Variants in TRIOBP observed in about 807,000 individuals in gnomAD.
TRIOBP encodes TRIO and F-actin binding protein.
A neutral mutation model predicts 238.8 loss-of-function variants in TRIOBP; 169 were observed. That is an observed-to-expected ratio of 0.71 (90% confidence interval 0.62 to 0.80). TRIOBP has a LOEUF of 0.80. Ranked by LOEUF, TRIOBP falls within the 30% of genes least tolerant of loss-of-function variation. The pLI, the probability that TRIOBP is intolerant of heterozygous loss-of-function variation, is 0.00. For missense variants in TRIOBP, 2,838 were observed against 3,122.6 expected (o/e 0.91, Z 2.17); for synonymous variants, 1,150 against 1,274.4 (o/e 0.90, Z 2.08).
chr22:37,715,858 T>A lies in TRIOBP; in HGVS notation c.552T>A (p.Ala184=). 1 of 1,613,982 alleles carries A rather than the reference T, an allele frequency of 6.2e-7. No individual in the cohort carries two copies. The highest frequency in any genetic ancestry group is 8.5e-7 in the Non-Finnish European group (1 of 1,179,972). ...IPRRPREGPR[A]DSSQRAPSLL... ...GGAGGCCTCGGGAGGGGCCGAGAGCTGACAGCTCCCAAAGGGCTCCGTCTC... is the reference window on the plus strand; with the variant it reads ...GGAGGCCTCGGGAGGGGCCGAGAGCAGACAGCTCCCAAAGGGCTCCGTCTC... The change falls in exon 6 of 24, where the codon GCT becomes GCA. Residue 184 remains alanine, a synonymous_variant. Transcript: ENST00000644935.
intron 6 of TRIOBP, among the ~76,000 whole-genome samples, chr22:37,716,725 G>T (rs1220335907): frequency 6.6e-6 from 1 of 152,228 alleles, no homozygotes; most frequent in Admixed American, 6.5e-5. Flanking sequence ...TCTCTAAATA[G>T]TAGGGAGCCA....
At position 37,726,195 on chromosome 22, in the gene TRIOBP, C is replaced by T; in HGVS notation, c.3639C>T (p.Ile1213=). 2 of 1,563,864 alleles carry T rather than the reference C, an allele frequency of 1.3e-6. No homozygotes were observed. The highest frequency in any genetic ancestry group is 1.7e-6 in the Non-Finnish European group (2 of 1,155,944). Residue 1213 remains isoleucine (I), a synonymous_variant, in exon 7 of 24, where the codon ATC becomes ATT. Transcript: ENST00000644935. The part of the protein sequence containing the change: ...TDSLHGSPVL[I]PQVCIGHRDA... ...CTCTGCATGGCTCCCCAGTGCTGATCCCCCAAGTGTGCATCGGGCACCGGG... is the reference window on the plus strand; with the variant it reads ...CTCTGCATGGCTCCCCAGTGCTGATTCCCCAAGTGTGCATCGGGCACCGGG...
intron 17 of TRIOBP, among the ~76,000 whole-genome samples, chr22:37,761,815 T>C (rs1186627480): frequency 6.6e-6 from 1 of 151,884 alleles, no homozygotes; most frequent in East Asian, 1.9e-4. Flanking sequence ...GGCTGGGGGC[T>C]TACCTTGTCC....
chr22:37,704,884 C>G (rs955334413), intron 3 of TRIOBP, among the ~76,000 whole-genome samples: 23 of 135,826 alleles, frequency 1.7e-4, no homozygotes, highest in African/African-American at 5.9e-4. Flanking sequence ...CTGGGCAGCA[C>G]AGTGAGACCC....
chr22:37,734,250 G>A (rs1924552717), intron 8 of TRIOBP, 149 bp from the exon 9 acceptor site: 1 of 738,524 alleles, frequency 1.4e-6, no homozygotes, highest in Non-Finnish European at 2.4e-6. Context: ...CCGGAGGGGT[G>A]GGGCAGAGAC....
intron 23 of TRIOBP, among the ~76,000 whole-genome samples, chr22:37,773,177 GTGGT>G (rs3041692): frequency 0.23 from 33,869 of 149,976 alleles, 3,993 homozygotes; most frequent in East Asian, 0.36. Flanking sequence ...AGGGCTCAAA[GTGGT>G]TGGTTGGTTG....
chr22:37,757,139 AG>A (rs1403304278), intron 15 of TRIOBP, among the ~76,000 whole-genome samples: 2 of 152,066 alleles, frequency 1.3e-5, no homozygotes, highest in Non-Finnish European at 2.9e-5. Context: ...AGGTGGGAGG[AG>A]CACGTGAGCC....
Position 37,719,995 on chromosome 22 carries a change from C to A in TRIOBP, c.629-3190C>A, listed in dbSNP as rs1446376625. Among the ~76,000 whole-genome samples the A allele has an allele frequency of 3.4e-3, 32 of 9,486 alleles. 2 individuals are homozygous for A. The highest frequency in any genetic ancestry group is 0.031 in the East Asian group (2 of 64). The allele number at this position is 9,486 out of a possible 152,430, so 6.2% of individuals were successfully genotyped here. On this transcript the variant is annotated intron_variant, in intron 6 of 23. Coordinates refer to ENST00000644935, the MANE Select transcript of TRIOBP (RefSeq NM_001039141.3). The stretch of plus-strand genomic sequence containing the variant: ...CACTCACTGTTTCACTCATCCCCCC[C>A]CGCCCTTTTTTTTTTTTTTTTTTTT...
At chr22:37,756,967 A>C (rs957686485) in intron 15 of TRIOBP, among the ~76,000 whole-genome samples, 4 of 152,068 alleles carry the variant, frequency 2.6e-5, no homozygotes, top group Admixed American at 6.6e-5. Flanking sequence ...CCATTTGCAA[A>C]AAGCCCCCTG....
In TRIOBP at chr22:37,723,646, C is replaced by G; in HGVS notation, c.1090C>G (p.Pro364Ala). The G allele has an allele frequency of 6.2e-7, 1 of 1,614,140 alleles. No homozygotes were observed. Among genetic ancestry groups the G allele is most frequent in the Non-Finnish European group, 8.5e-7 (1 of 1,180,018 alleles). The stretch of plus-strand genomic sequence containing the variant: ...AACCTCTTCTACCCAGCAGGACAAC[C>G]CCCAAACTTCTTTTCCTACTTGTAC... ...PRTSSTQQDN[P>A]QTSFPTCTPQ... Residue 364 changes from proline (P) to alanine (A), a missense_variant, in exon 7 of 24, where the codon CCC becomes GCC. Physicochemically the swap from Pro to Ala is conservative, Grantham distance 27. Coordinates refer to ENST00000644935, the MANE Select transcript of TRIOBP (RefSeq NM_001039141.3).
intron 22 of TRIOBP, 64 bp downstream of exon 22, chr22:37,771,800 G>A (rs1479012654): frequency 4.1e-6 from 6 of 1,452,040 alleles, no homozygotes; most frequent in African/African-American, 1.4e-5. Flanking sequence ...GCCATCCTGT[G>A]AGCACCTGCT....
At chr22:37,739,240 C>G (rs538526914) in intron 10 of TRIOBP, among the ~76,000 whole-genome samples, 39 of 152,288 alleles carry the variant, frequency 2.6e-4, no homozygotes, top group African/African-American at 8.7e-4. Flanking sequence ...GCCCGCCCCT[C>G]CCCGTGACCT....
chr22:37,751,236 T>A (rs1452837033), intron 11 of TRIOBP: 1 of 351,002 alleles, frequency 2.8e-6, no homozygotes, highest in East Asian at 8.5e-5. Context: ...CCCAAAGAGA[T>A]CTAGGCGGGG....
chr22:37,775,648 G>C lies in TRIOBP; in HGVS notation c.*1868G>C, dbSNP rs552532353. On this transcript the variant is annotated 3_prime_UTR_variant, in exon 24 of 24. Coordinates refer to ENST00000644935, the MANE Select transcript of TRIOBP (RefSeq NM_001039141.3). ...TAAAAATACAAAAAATTAGCCAGAC[G>C]TGGTGCCAAGCACCTGTAATCCCAG... 1.3e-5 allele frequency: 2 copies of C among 152,076 alleles called. No homozygotes were observed. Among genetic ancestry groups the C allele is most frequent in the Admixed American group, 6.6e-5 (1 of 15,242 alleles). The allele number at this position is 152,076 out of a possible 1,614,324, so 9.4% of individuals were successfully genotyped here.
chr22:37,746,280 G>T, intron 11 of TRIOBP: 1 of 1,087,790 alleles, frequency 9.2e-7, no homozygotes, highest in East Asian at 5.8e-5. Context: ...GGGAAAGGAA[G>T]GGCCGGAGGC....
At chr22:37,721,921 A>C (rs1431517682) in intron 6 of TRIOBP, among the ~76,000 whole-genome samples, 1 of 152,206 alleles carries the variant, frequency 6.6e-6, no homozygotes, top group Non-Finnish European at 1.5e-5. Flanking sequence ...CACCAAGGTC[A>C]TGGCAACTCT....
At chr22:37,722,469 G>A (rs1382028678) in intron 6 of TRIOBP, among the ~76,000 whole-genome samples, 3 of 147,690 alleles carry the variant, frequency 2.0e-5, no homozygotes, top group Non-Finnish European at 3.0e-5. Context: ...GCTCACGCCT[G>A]TAATCCCAGC....
At chr22:37,737,662 A>G (rs1300384574) in intron 9 of TRIOBP, among the ~76,000 whole-genome samples, 1 of 146,662 alleles carries the variant, frequency 6.8e-6, no homozygotes, top group Non-Finnish European at 1.5e-5. Flanking sequence ...CTCCATCTCA[A>G]AAAAAAAAAA....
At chr22:37,739,418 G>A (rs1249094401) in intron 10 of TRIOBP, among the ~76,000 whole-genome samples, 4 of 110,738 alleles carry the variant, frequency 3.6e-5, no homozygotes, top group African/African-American at 7.5e-5. Flanking sequence ...GGCAGGGAGC[G>A]TCCATTGGGC....
Sources: gnomAD v4.1 joint callset for allele counts (sites outside exome capture counted in the v4.1 genomes callset) on GRCh38, gnomAD v4.1.1 for gene constraint, MANE v1.5 for transcripts, NCBI Gene and HGNC (gene_info 2026-07-23, HGNC 2026-07-21) for gene names.